The following MLIP variants were observed in gnomAD, a reference collection of about 807,000 sequenced individuals.
MLIP encodes muscular LMNA interacting protein.
MLIP carries 79 observed loss-of-function variants against 84.8 expected under a neutral mutation model. That is an observed-to-expected ratio of 0.93 (90% CI 0.78 to 1.12). The LOEUF (loss-of-function observed/expected upper bound fraction) is 1.12, where lower values mean the gene tolerates loss of function less well. Ranked by LOEUF, MLIP falls within the 50% of genes most tolerant of loss-of-function variation. The pLI is 0.00. For missense variants in MLIP, 1,257 were observed against 1,160.6 expected, an observed-to-expected ratio of 1.08 and a Z score of -1.21; for synonymous variants, 504 against 463.0, an observed-to-expected ratio of 1.09 and a Z score of -1.14.
chr6:54,207,619 A>G (rs1284782129), intron 11 of MLIP, among the ~76,000 whole-genome samples: 2 of 152,212 alleles, frequency 1.3e-5, no homozygotes, highest in African/African-American at 4.8e-5. Context: ...ACACCCAAAG[A>G]AGACTTATTT....
At chr6:54,101,194 T>C (rs952915092) in intron 1 of MLIP, among the ~76,000 whole-genome samples, 2 of 152,116 alleles carry the variant, frequency 1.3e-5, no homozygotes, top group African/African-American at 4.8e-5. Context: ...AGGGTCAAGA[T>C]TCTTAGAAGG....
chr6:54,131,019 A>G (rs1005517117), intron 3 of MLIP, among the ~76,000 whole-genome samples: 2 of 152,208 alleles, frequency 1.3e-5, no homozygotes, highest in African/African-American at 4.8e-5. Flanking sequence ...TGGGTTTAGG[A>G]AAAATAAACC....
intron 11 of MLIP, among the ~76,000 whole-genome samples, chr6:54,204,987 C>A (rs545029428): frequency 3.3e-5 from 5 of 152,274 alleles, no homozygotes; most frequent in East Asian, 3.9e-4. Flanking sequence ...TTCCAAAGGT[C>A]CCCTGGCCTT....
intron 10 of MLIP, among the ~76,000 whole-genome samples, chr6:54,200,221 A>T (rs978537036): frequency 2.6e-5 from 4 of 152,096 alleles, no homozygotes; most frequent in Admixed American, 6.5e-5. Flanking sequence ...AACCCCAAAC[A>T]TCTGCCTGCT....
intron 1 of MLIP, among the ~76,000 whole-genome samples, chr6:54,100,193 TGTAA>T (rs1442257275): frequency 6.6e-6 from 1 of 152,172 alleles, no homozygotes; most frequent in Non-Finnish European, 1.5e-5. Flanking sequence ...TTACAAAAGC[TGTAA>T]GTGTTAGATA....
At chr6:54,057,708 G>A (rs1005390817) in intron 1 of MLIP, among the ~76,000 whole-genome samples, 3 of 152,024 alleles carry the variant, frequency 2.0e-5, no homozygotes, top group Non-Finnish European at 4.4e-5. Flanking sequence ...ACTGATTGTT[G>A]GGAATTAATT....
intron 1 of MLIP, among the ~76,000 whole-genome samples, chr6:54,096,583 G>A (rs1373619252): frequency 2.6e-5 from 4 of 152,176 alleles, no homozygotes; most frequent in African/African-American, 4.8e-5. Flanking sequence ...CTTATGGGCA[G>A]CACTTCCTAA....
intron 10 of MLIP, among the ~76,000 whole-genome samples, chr6:54,194,987 T>C (rs952184632): frequency 6.6e-6 from 1 of 151,956 alleles, no homozygotes; most frequent in Non-Finnish European, 1.5e-5. Flanking sequence ...AGAATTAGGG[T>C]CTATAAATCT....
upstream of MLIP, among the ~76,000 whole-genome samples, chr6:54,109,976 T>TTC (rs1769322381): frequency 1.1e-4 from 2 of 17,748 alleles, no homozygotes; most frequent in Non-Finnish European, 1.5e-4. Context: ...TTCCTTCCTT[T>TTC]CGTTTTTTCT....
At position 54,143,562 on chromosome 6, in the gene MLIP, A is replaced by C. The variant is rs1772516646; in HGVS notation, c.2217+5276A>C. On this transcript the variant is annotated intron_variant, in intron 4 of 13. Coordinates refer to ENST00000502396, the MANE Select transcript of MLIP (RefSeq NM_001281747.2). ...GTTTAACTCAAACAAGAGAATTGTC[A>C]AAGGAAAAAACAGGGATCAAGATAA... Among the ~76,000 whole-genome samples, 5 of 152,152 alleles carry C rather than the reference A, an allele frequency of 3.3e-5. 1 individual carries two copies. Among genetic ancestry groups the C allele is most frequent in the Admixed American group, 2.6e-4 (4 of 15,264 alleles).
At chr6:54,045,462 T>G (rs370282375) in intron 1 of MLIP, 1 of 152,218 alleles carries the variant, frequency 6.6e-6, no homozygotes, top group East Asian at 1.9e-4. Flanking sequence ...GATTTTCTTG[T>G]GAGTCGTCGT....
At position 54,137,359 on chromosome 6, in the gene MLIP, C is replaced by T; in HGVS notation, c.1290C>T (p.Pro430=). Residue 430 remains proline, a synonymous_variant, in exon 4 of 14, where the codon CCC becomes CCT. Coordinates refer to ENST00000502396, the MANE Select transcript of MLIP (RefSeq NM_001281747.2). The stretch of plus-strand genomic sequence containing the variant: ...AGTCAAACCCTTCCCACCAAAGACC[C>T]TTTTCCCCTGCATCCTGTCCCACCT... The part of the protein sequence containing the change: ...ILKSNPSHQR[P]FSPASCPTFS... The T allele has an allele frequency of 6.5e-7, 1 of 1,536,104 alleles. No homozygotes were observed. Among genetic ancestry groups the T allele is most frequent in the South Asian group, 1.2e-5 (1 of 84,044 alleles).
intron 11 of MLIP, among the ~76,000 whole-genome samples, chr6:54,212,463 CTTAAT>C (rs1302374769): frequency 6.6e-6 from 1 of 152,112 alleles, no homozygotes; most frequent in African/African-American, 2.4e-5. Context: ...GATGGAAAGT[CTTAAT>C]TTATTGTTTA....
intron 1 of MLIP, among the ~76,000 whole-genome samples, chr6:54,021,782 C>T (rs1036360326): frequency 7.9e-5 from 12 of 152,284 alleles, no homozygotes; most frequent in Non-Finnish European, 1.3e-4. Flanking sequence ...TCAAATTCTT[C>T]AAAATTTCTT....
chr6:54,165,833 G>A (rs1245576977), intron 8 of MLIP, among the ~76,000 whole-genome samples: 3 of 151,862 alleles, frequency 2.0e-5, no homozygotes, highest in African/African-American at 4.8e-5. Flanking sequence ...AGGAGGTGGG[G>A]CCATTAGAAA....
intron 9 of MLIP, among the ~76,000 whole-genome samples, chr6:54,175,380 G>T (rs995144883): frequency 1.3e-5 from 2 of 151,642 alleles, no homozygotes; most frequent in Non-Finnish European, 3.0e-5. Flanking sequence ...CCAAGAACAT[G>T]GGATGTATTT....
At position 54,058,873 on chromosome 6, in the gene MLIP, T is replaced by C. The variant is rs183062706; in HGVS notation, c.63+39782T>C. On this transcript the variant is annotated intron_variant, in intron 1 of 12. Coordinates refer to the MLIP transcript ENST00000274897. ...ATATCTAGAGGAAGATAGAGAGAGATAGAAGGAGGAAAAGAAGGTAAGAGA... is the reference window on the plus strand; with the variant it reads ...ATATCTAGAGGAAGATAGAGAGAGACAGAAGGAGGAAAAGAAGGTAAGAGA... 5.9e-5 allele frequency: 9 copies of C among 152,158 alleles called. No individual in the cohort carries two copies. The East Asian group carries it at 1.2e-3, about 20-fold the overall frequency. The allele number at this position is 152,158 out of a possible 1,614,324, so 9.4% of individuals were successfully genotyped here.
At chr6:54,095,714 C>T (rs368031150) in intron 1 of MLIP, among the ~76,000 whole-genome samples, 3 of 152,120 alleles carry the variant, frequency 2.0e-5, no homozygotes, top group Non-Finnish European at 4.4e-5. Context: ...AAATGAGCTT[C>T]GAGTGAAAGA....
intron 11 of MLIP, among the ~76,000 whole-genome samples, chr6:54,208,450 G>A (rs1048676405): frequency 6.6e-6 from 1 of 152,060 alleles, no homozygotes; most frequent in South Asian, 2.1e-4. Context: ...GCCAGGTGTG[G>A]TGGCATGCAT....
Sources: gnomAD v4.1 joint callset for allele counts (sites outside exome capture counted in the v4.1 genomes callset) on GRCh38, gnomAD v4.1.1 for gene constraint, MANE v1.5 for transcripts, NCBI Gene and HGNC (gene_info 2026-07-23, HGNC 2026-07-21) for gene names.